TRAF6: variants seen among roughly 807,000 people sequenced by gnomAD.
The protein encoded by TRAF6 is TNF receptor associated factor 6, also known as TNF receptor-associated factor 6.
In TRAF6, 10 loss-of-function variants were observed where a neutral mutation model predicts 48.4. The ratio of observed to expected loss-of-function variants is 0.21; its 90% CI spans 0.13 to 0.35. TRAF6 has a LOEUF of 0.35. Among genes scored for constraint, TRAF6 ranks in the 10% least tolerant of loss-of-function variants. The pLI is 1.00. For missense variants in TRAF6, 397 were observed against 661.0 expected (o/e 0.60, Z 4.38); for synonymous variants, 186 against 219.6 (o/e 0.85, Z 1.35).
intron 2 of TRAF6, among the ~76,000 whole-genome samples, chr11:36,499,749 T>C (rs1316392711): frequency 6.6e-6 from 1 of 151,718 alleles, no homozygotes; most frequent in Non-Finnish European, 1.5e-5. Context: ...TGGATGTAGT[T>C]ACTCTTAAAT....
chr11:36,497,695 A>G (rs534936720), intron 3 of TRAF6, among the ~76,000 whole-genome samples: 4 of 152,210 alleles, frequency 2.6e-5, no homozygotes, highest in Non-Finnish European at 5.9e-5. Flanking sequence ...TATAAAAGCA[A>G]ATTATTTTAT....
intron 4 of TRAF6, among the ~76,000 whole-genome samples, chr11:36,496,191 T>G (rs1232155050): frequency 6.6e-6 from 1 of 152,184 alleles, no homozygotes; most frequent in Non-Finnish European, 1.5e-5. Context: ...TTGGCAATAT[T>G]AATACAAGTC....
At position 36,490,205 on chromosome 11, in the gene TRAF6, T is replaced by C. The variant is rs1394252847; in HGVS notation, c.1202A>G (p.Gln401Arg). ...AAGGGATATATAGTTTGCACAGCGC[T>C]GAGCAGTCGGTAACTGAAGGTGCAA... The part of the protein sequence containing the change: ...MRLHLQLPTA[Q>R]RCANYISLFV... The change falls in exon 7 of 7, where the codon CAG (glutamine) becomes CGG (arginine). Residue 401 changes from glutamine to arginine, a missense_variant. By Grantham distance (43) the Gln-to-Arg change is conservative. Coordinates refer to ENST00000526995, the MANE Select transcript of TRAF6 (RefSeq NM_004620.4). The surrounding 1 kb of genome is among the most constrained non-coding windows in gnomAD (Gnocchi z 6.4). The C allele has an allele frequency of 3.7e-6, 6 of 1,614,112 alleles. No homozygotes were observed. The highest frequency in any genetic ancestry group is 1.1e-5 in the South Asian group (1 of 91,092).
chr11:36,495,203 C>G (rs934756456), intron 4 of TRAF6, among the ~76,000 whole-genome samples, 156 bp from the exon 5 acceptor site: 11 of 152,148 alleles, frequency 7.2e-5, no homozygotes, highest in Non-Finnish European at 1.2e-4. Flanking sequence ...TATATAAAGG[C>G]TATTTTCTTT....
At chr11:36,498,729 T>C in intron 2 of TRAF6, 89 bp from the exon 3 acceptor site, 1 of 1,352,838 alleles carries the variant, frequency 7.4e-7, no homozygotes. Context: ...AAATTCTCCA[T>C]TTACTGTTTC....
intron 6 of TRAF6, among the ~76,000 whole-genome samples, chr11:36,491,848 A>G (rs1859567959): frequency 6.6e-6 from 1 of 152,240 alleles, no homozygotes; most frequent in Non-Finnish European, 1.5e-5. Flanking sequence ...CACATAATGC[A>G]TGTCAGTCAT....
In TRAF6 at chr11:36,489,412, G is replaced by A. The variant is rs1002240356; in HGVS notation, c.*426C>T. 1.2e-5 allele frequency: 2 copies of A among 161,094 alleles called. No individual in the cohort carries two copies. The highest frequency in any genetic ancestry group is 3.0e-3 in the Middle Eastern group (1 of 332). 10.0% of individuals were successfully genotyped at this position (161,094 alleles called of 1,614,324 possible). On this transcript the variant is annotated 3_prime_UTR_variant, in exon 7 of 7. Transcript: ENST00000526995. Reference sequence around the variant, plus strand: ...CTTCTCGAGGGCACTAGCACAAGGCGGTAGTGATTTTCACTTTTAATATAT... The same window carrying A: ...CTTCTCGAGGGCACTAGCACAAGGCAGTAGTGATTTTCACTTTTAATATAT...
intron 3 of TRAF6, 98 bp from the exon 4 acceptor site, chr11:36,497,364 T>A: frequency 8.5e-7 from 1 of 1,176,520 alleles, no homozygotes; most frequent in Non-Finnish European, 1.2e-6. Context: ...AGCAGGCTAC[T>A]GAACCTACTT....
rs146381449 is a variant in TRAF6 at position 36,501,816 on chromosome 11, T to C, written c.-22-279A>G. 1.3e-3 allele frequency: 276 copies of C among 216,096 alleles called. 1 individual carries two copies. In the East Asian group the frequency reaches 0.025, roughly 19 times the overall value. 13.4% of individuals were successfully genotyped at this position (216,096 alleles called of 1,614,324 possible). On this transcript the variant is annotated intron_variant, in intron 1 of 6. Transcript: ENST00000526995. ...GTCCCTTCAGAAGTTCATGATCTAG[T>C]AGAACGACAGCATATAAAGTTAAAA...
chr11:36,503,727 GTC>G (rs1859749150), intron 1 of TRAF6, among the ~76,000 whole-genome samples: 1 of 152,304 alleles, frequency 6.6e-6, no homozygotes, highest in African/African-American at 2.4e-5. Flanking sequence ...AGCAGAACTA[GTC>G]ACTACAGCTG....
rs149359656 is a variant in TRAF6 at position 36,487,379 on chromosome 11, T to A, written c.*2459A>T. 6.6e-6 allele frequency: 1 copy of A among 152,214 alleles called. No individual in the cohort carries two copies. Among genetic ancestry groups the A allele is most frequent in the Non-Finnish European group, 1.5e-5 (1 of 68,032 alleles). 9.4% of individuals were successfully genotyped at this position (152,214 alleles called of 1,614,324 possible). ...AAGTTTTCTATTTGGAATGACAGCT[T>A]GACTATTCTACTTTGTAGTCAAGAT... On this transcript the variant is annotated 3_prime_UTR_variant, in exon 7 of 7. Transcript: ENST00000526995.
In TRAF6 at chr11:36,485,888, TAACTTAC is replaced by T. The variant is rs1489884599; in HGVS notation, c.*3943_*3949del. Among the ~76,000 whole-genome samples, 1 of 152,128 alleles carries T rather than the reference TAACTTAC, an allele frequency of 6.6e-6. No homozygotes were observed. The highest frequency in any genetic ancestry group is 1.5e-5 in the Non-Finnish European group (1 of 68,038). On this transcript the variant is annotated 3_prime_UTR_variant, in exon 7 of 7. Coordinates refer to ENST00000526995, the MANE Select transcript of TRAF6 (RefSeq NM_004620.4). ...GGCACAAAGACAGAAACAGAGAAAC[TAACTTAC>T]AGTCCATCATGTCAATCTGGGAGTT...
In TRAF6 at chr11:36,485,541, C is replaced by T. The variant is rs1281459279; in HGVS notation, c.*4297G>A. ...TGCCCCAACTTCCCCATCTTAAAGG[C>T]AGGGCTAGTGTCCTGCTGAGAAAGC... On this transcript the variant is annotated 3_prime_UTR_variant, in exon 7 of 7. Transcript: ENST00000526995. Among the ~76,000 whole-genome samples the T allele has an allele frequency of 6.6e-6, 1 of 150,710 alleles. No individual in the cohort carries two copies. Among genetic ancestry groups the T allele is most frequent in the East Asian group, 2.0e-4 (1 of 5,056 alleles).
Position 36,486,786 on chromosome 11 carries a change from T to G in TRAF6, c.*3052A>C, listed in dbSNP as rs1309383095. Among the ~76,000 whole-genome samples the G allele has an allele frequency of 2.0e-5, 3 of 152,110 alleles. No homozygotes were observed. The highest frequency in any genetic ancestry group is 7.3e-5 in the African/African-American group (3 of 41,378). On this transcript the variant is annotated 3_prime_UTR_variant, in exon 7 of 7. Transcript: ENST00000526995. ...GCAAAATGTATGACGTGCAGCAAGT[T>G]TCATCCAACAGTGGGTTGGACGCTG... is the stretch of plus-strand genomic sequence containing the variant.
At chr11:36,497,362 A>G (rs1859654316) in intron 3 of TRAF6, 96 bp from the exon 4 acceptor site, 4 of 1,169,314 alleles carry the variant, frequency 3.4e-6, no homozygotes, top group Non-Finnish European at 4.7e-6. Flanking sequence ...TCAGCAGGCT[A>G]CTGAACCTAC....
At chr11:36,494,136 A>G (rs1859597687) in intron 5 of TRAF6, among the ~76,000 whole-genome samples, 1 of 152,152 alleles carries the variant, frequency 6.6e-6, no homozygotes, top group African/African-American at 2.4e-5. Context: ...AGGCTAAAGC[A>G]GGTAGATTGC....
At chr11:36,504,624 G>A (rs1396830591) in intron 1 of TRAF6, among the ~76,000 whole-genome samples, 1 of 152,132 alleles carries the variant, frequency 6.6e-6, no homozygotes, top group Admixed American at 6.5e-5. Flanking sequence ...TCCTGTTAAG[G>A]CTGATATTTT....
intron 2 of TRAF6, 140 bp from the exon 3 acceptor site, chr11:36,498,780 AAAAC>A: frequency 2.3e-6 from 2 of 861,966 alleles, no homozygotes; most frequent in South Asian, 4.0e-5. Flanking sequence ...GCAGGTCACC[AAAAC>A]AAACTGTCCT....
intron 3 of TRAF6, among the ~76,000 whole-genome samples, chr11:36,497,884 ATT>A (rs796280710): frequency 2.5e-4 from 34 of 137,868 alleles, no homozygotes; most frequent in Admixed American, 2.9e-4. Flanking sequence ...TGACACTTGT[ATT>A]TTTTTTTTTT....
Sources: gnomAD v4.1 joint callset for allele counts (sites outside exome capture counted in the v4.1 genomes callset) on GRCh38, gnomAD v4.1.1 for gene constraint, Gnocchi (gnomAD v3.1) non-coding constraint, MANE v1.5 for transcripts, NCBI Gene and HGNC (gene_info 2026-07-23, HGNC 2026-07-21) for gene names.